The following PRKD1 variants were observed in gnomAD, a reference collection of about 807,000 sequenced individuals.
PRKD1 encodes serine/threonine-protein kinase D1.
A neutral mutation model predicts 95.9 loss-of-function variants in PRKD1; 63 were observed. The ratio of observed to expected loss-of-function variants is 0.66; its 90% CI spans 0.54 to 0.81. The LOEUF (loss-of-function observed/expected upper bound fraction) is 0.81, where lower values mean the gene tolerates loss of function less well. PRKD1 is among the 30% of genes least tolerant of loss of function. The pLI is 0.00. For synonymous variants in PRKD1, 425 were observed against 423.1 expected, an observed-to-expected ratio of 1.00 and a Z score of -0.05; for missense variants, 1,048 against 1,165.3, an observed-to-expected ratio of 0.90 and a Z score of 1.47.
intron 2 of PRKD1, among the ~76,000 whole-genome samples, chr14:29,669,265 C>A (rs1170250151): frequency 5.3e-5 from 8 of 152,150 alleles, no homozygotes; most frequent in Non-Finnish European, 1.5e-5. Context: ...CCTTTCCAAA[C>A]AAATTAAGGA....
intron 17 of PRKD1, 74 bp downstream of exon 17, chr14:29,578,201 G>A: frequency 2.5e-6 from 3 of 1,180,776 alleles, no homozygotes; most frequent in Non-Finnish European, 3.6e-6. Context: ...TATTGCAAAA[G>A]ATTTCTAAAT....
intron 2 of PRKD1, among the ~76,000 whole-genome samples, chr14:29,686,565 C>T (rs1331222326): frequency 6.6e-6 from 1 of 152,166 alleles, no homozygotes; most frequent in Non-Finnish European, 1.5e-5. Flanking sequence ...GGGCTGGGGC[C>T]TTGCTATTGT....
intron 1 of PRKD1, among the ~76,000 whole-genome samples, chr14:29,914,328 G>T (rs746678422): frequency 6.6e-6 from 1 of 152,232 alleles, no homozygotes; most frequent in Non-Finnish European, 1.5e-5. Context: ...ACAAGTGGGA[G>T]TAAGTTTACC....
intron 1 of PRKD1, among the ~76,000 whole-genome samples, chr14:29,904,454 T>A (rs1894426621): frequency 6.6e-6 from 1 of 152,200 alleles, no homozygotes. Context: ...GGATAATAGA[T>A]GTTTACCTCT....
chr14:29,798,208 A>AT (rs979445184), intron 1 of PRKD1, among the ~76,000 whole-genome samples: 3 of 152,082 alleles, frequency 2.0e-5, no homozygotes, highest in East Asian at 1.9e-4. Flanking sequence ...TTGCCCCTAT[A>AT]TTTTTTTCTT....
chr14:29,889,190 A>G (rs576441061), intron 1 of PRKD1, among the ~76,000 whole-genome samples: 1 of 152,352 alleles, frequency 6.6e-6, no homozygotes, highest in Non-Finnish European at 1.5e-5. Context: ...TCACAAGCAT[A>G]CGGAGCCTTT....
chr14:29,645,153 C>T (rs1881044304), intron 4 of PRKD1, among the ~76,000 whole-genome samples: 1 of 152,114 alleles, frequency 6.6e-6, no homozygotes, highest in Non-Finnish European at 1.5e-5. Context: ...GTATTTTCTT[C>T]CTCTCAGTTA....
At position 29,638,560 on chromosome 14, in the gene PRKD1, C is replaced by A. The variant is rs374588097; in HGVS notation, c.914G>T (p.Arg305Ile). 1 of 1,614,172 alleles carries A rather than the reference C, an allele frequency of 6.2e-7. No individual in the cohort carries two copies. Among genetic ancestry groups the A allele is most frequent in the Non-Finnish European group, 8.5e-7 (1 of 1,180,026 alleles). Residue 305 changes from arginine to isoleucine, a missense_variant, in exon 6 of 18, where the codon AGA becomes ATA. Around this residue, in one of 3 missense-constraint regions of PRKD1, gnomAD observed 739 missense variants for 861.9 expected, o/e 0.86. Transcript: ENST00000331968. ...FRQGLQCKDC[R>I]FNCHKRCAPK... Reference sequence around the variant, plus strand: ...TGCACAACGTTTATGGCAGTTGAATCTGCAATCTAATCCCAGTGATTTTCA... The same window carrying A: ...TGCACAACGTTTATGGCAGTTGAATATGCAATCTAATCCCAGTGATTTTCA...
intron 1 of PRKD1, among the ~76,000 whole-genome samples, chr14:29,790,170 C>T (rs1889473462): frequency 6.6e-6 from 1 of 151,758 alleles, no homozygotes; most frequent in Admixed American, 6.6e-5. Flanking sequence ...TGCCACCACG[C>T]CCAGCTAATT....
At chr14:29,889,044 G>A (rs962727092) in intron 1 of PRKD1, among the ~76,000 whole-genome samples, 1 of 152,224 alleles carries the variant, frequency 6.6e-6, no homozygotes, top group Non-Finnish European at 1.5e-5. Flanking sequence ...TCATGTTTGG[G>A]TTCTGTTCAG....
intron 13 of PRKD1, among the ~76,000 whole-genome samples, chr14:29,610,948 G>A (rs1878418312): frequency 6.6e-6 from 1 of 152,218 alleles, no homozygotes; most frequent in Non-Finnish European, 1.5e-5. Flanking sequence ...TTCTGGAAAA[G>A]ACAAAAAGAG....
chr14:29,837,907 A>AAATTTACTCCATCAGTAC (rs1891673436), intron 1 of PRKD1, among the ~76,000 whole-genome samples: 2 of 152,224 alleles, frequency 1.3e-5, no homozygotes, highest in South Asian at 4.1e-4. Context: ...GGGGTATGGT[A>AAATTTACTCCATCAGTAC]AATTTACTCC....
At chr14:29,822,793 C>T (rs549407047) in intron 1 of PRKD1, among the ~76,000 whole-genome samples, 1 of 152,256 alleles carries the variant, frequency 6.6e-6, no homozygotes, top group South Asian at 2.1e-4. Flanking sequence ...GCAAAAGGGA[C>T]ATTCTTTACT....
intron 2 of PRKD1, among the ~76,000 whole-genome samples, chr14:29,717,564 T>C (rs1387623280): frequency 1.3e-5 from 2 of 152,148 alleles, no homozygotes; most frequent in Non-Finnish European, 2.9e-5. Context: ...TGCATATTTC[T>C]GAGTTAATAT....
At chr14:29,812,000 T>G (rs1450634295) in intron 1 of PRKD1, 1 of 152,196 alleles carries the variant, frequency 6.6e-6, no homozygotes, top group Non-Finnish European at 1.5e-5. Flanking sequence ...TACAAATTTG[T>G]TATGTGTTTC....
chr14:29,633,666 C>G (rs769903591), intron 8 of PRKD1, among the ~76,000 whole-genome samples: 1 of 152,116 alleles, frequency 6.6e-6, no homozygotes, highest in Non-Finnish European at 1.5e-5. Context: ...CCTCCACAAC[C>G]AATTTTAGGC....
chr14:29,879,278 G>A (rs149131012), intron 1 of PRKD1, among the ~76,000 whole-genome samples: 1,842 of 152,328 alleles, frequency 0.012, 14 homozygotes, highest in Admixed American at 0.018. Context: ...CCACATGTGG[G>A]AGGGACCGCG....
chr14:29,896,066 A>T (rs1400411821), intron 1 of PRKD1, among the ~76,000 whole-genome samples: 1 of 152,192 alleles, frequency 6.6e-6, no homozygotes, highest in Non-Finnish European at 1.5e-5. Flanking sequence ...AATACCATCT[A>T]CTTTACAATA....
At chr14:29,731,015 A>C (rs957568914) in intron 1 of PRKD1, among the ~76,000 whole-genome samples, 2 of 152,174 alleles carry the variant, frequency 1.3e-5, no homozygotes, top group Admixed American at 1.3e-4. Context: ...TGTACTTACC[A>C]CAAAAAAAAG....
Sources: gnomAD v4.1 joint callset for allele counts (sites outside exome capture counted in the v4.1 genomes callset) on GRCh38, gnomAD v4.1.1 for gene constraint, gnomAD v4.1.1 regional missense constraint, MANE v1.5 for transcripts, NCBI Gene and HGNC (gene_info 2026-07-23, HGNC 2026-07-21) for gene names.